RASAL2: variants seen among roughly 807,000 people sequenced by gnomAD.
RASAL2 encodes the protein RAS protein activator like 2.
RASAL2 carries 58 observed loss-of-function variants against 128.9 expected under a neutral mutation model. The ratio of observed to expected loss-of-function variants is 0.45; its 90% CI spans 0.36 to 0.56. The LOEUF is 0.56. Ranked by LOEUF, RASAL2 falls within the 20% of genes least tolerant of loss-of-function variation. The pLI is 0.00. For missense variants in RASAL2, 1,360 were observed against 1,601.6 expected (o/e 0.85, Z 2.57); for synonymous variants, 561 against 580.8 (o/e 0.97, Z 0.49).
intron 1 of RASAL2, among the ~76,000 whole-genome samples, chr1:178,267,622 CTT>C (rs1282624626): frequency 1.3e-4 from 16 of 120,440 alleles, no homozygotes; most frequent in Admixed American, 2.6e-4. Context: ...GATCTAGTGT[CTT>C]TTTTTTTTTT....
chr1:178,135,997 G>T (rs1191521197), intron 1 of RASAL2, among the ~76,000 whole-genome samples: 1 of 152,170 alleles, frequency 6.6e-6, no homozygotes, highest in Non-Finnish European at 1.5e-5. Context: ...AGATTTGGGT[G>T]GGGACACAGA....
At chr1:178,286,790 A>T (rs972072352) in intron 2 of RASAL2, among the ~76,000 whole-genome samples, 1 of 152,082 alleles carries the variant, frequency 6.6e-6, no homozygotes, top group African/African-American at 2.4e-5. Flanking sequence ...AGACTACTCC[A>T]GTTTTAATTT....
chr1:178,247,266 G>T (rs1371572231), intron 1 of RASAL2, among the ~76,000 whole-genome samples: 1 of 152,104 alleles, frequency 6.6e-6, no homozygotes, highest in Non-Finnish European at 1.5e-5. Flanking sequence ...TCTATTCAGG[G>T]ATTTGACTTC....
At chr1:178,142,769 G>A (rs1660580384) in intron 1 of RASAL2, among the ~76,000 whole-genome samples, 1 of 152,124 alleles carries the variant, frequency 6.6e-6, no homozygotes, top group African/African-American at 2.4e-5. Flanking sequence ...TAAACCTCGG[G>A]GAAGTCCGAA....
chr1:178,247,040 G>A (rs558966966), intron 1 of RASAL2, among the ~76,000 whole-genome samples: 11 of 152,208 alleles, frequency 7.2e-5, no homozygotes, highest in Non-Finnish European at 2.9e-5. Flanking sequence ...TTTTTGTTGT[G>A]TCTTGGCCAG....
intron 5 of RASAL2, among the ~76,000 whole-genome samples, chr1:178,435,031 T>C (rs1676164993): frequency 6.6e-6 from 1 of 151,960 alleles, no homozygotes; most frequent in Admixed American, 6.6e-5. Flanking sequence ...GTGAGTGCCT[T>C]AGAAATGCAT....
chr1:178,236,281 T>A (rs147482464), intron 1 of RASAL2, among the ~76,000 whole-genome samples: 480 of 152,292 alleles, frequency 3.2e-3, no homozygotes, highest in Non-Finnish European at 4.8e-3. Flanking sequence ...ATAGAATTTA[T>A]CTCTTCATAA....
At chr1:178,357,315 A>ATT (rs1335053754) in intron 3 of RASAL2, among the ~76,000 whole-genome samples, 3 of 137,836 alleles carry the variant, frequency 2.2e-5, no homozygotes, top group Admixed American at 7.2e-5. Context: ...GTGAAATGAG[A>ATT]TTTTTTTTCA....
intron 1 of RASAL2, among the ~76,000 whole-genome samples, chr1:178,154,061 C>T (rs996568265): frequency 3.3e-5 from 5 of 152,012 alleles, no homozygotes; most frequent in Non-Finnish European, 5.9e-5. Flanking sequence ...GTCTTGAACT[C>T]CTGACCTCAG....
rs776395581 is a variant in RASAL2 at position 178,451,684 on chromosome 1, C to T, written c.1741C>T (p.Leu581=). 5 of 1,613,722 alleles carry T rather than the reference C, an allele frequency of 3.1e-6. No homozygotes were observed. The highest frequency in any genetic ancestry group is 4.2e-6 in the Non-Finnish European group (5 of 1,179,738). The change falls in exon 10 of 18, where the codon CTG becomes TTG. Residue 581 remains leucine, a synonymous_variant. Transcript: ENST00000367649. ...GAGCAACCTGAAAATGTGCTGTGAG[C>T]TGGCTTTCTGCAAGATCATCAACTC... ...HQSNLKMCCE[L]AFCKIINSYC... is the part of the protein sequence containing the mutation.
intron 3 of RASAL2, among the ~76,000 whole-genome samples, chr1:178,302,163 T>A (rs148422451): frequency 1.3e-3 from 205 of 152,346 alleles, no homozygotes; most frequent in African/African-American, 4.7e-3. Context: ...GATTTGTCTT[T>A]AGCCAAAATT....
At chr1:178,256,948 A>C (rs1181882703) in intron 1 of RASAL2, among the ~76,000 whole-genome samples, 3 of 152,166 alleles carry the variant, frequency 2.0e-5, no homozygotes, top group Non-Finnish European at 4.4e-5. Context: ...TGCTAGGATT[A>C]CAGGCATGAG....
intron 3 of RASAL2, among the ~76,000 whole-genome samples, chr1:178,339,327 C>T (rs575655164): frequency 6.6e-6 from 1 of 152,154 alleles, no homozygotes; most frequent in South Asian, 2.1e-4. Context: ...TTCTACTTAA[C>T]CTTCAATGTC....
intron 3 of RASAL2, among the ~76,000 whole-genome samples, chr1:178,363,083 C>G (rs1277482539): frequency 6.6e-6 from 1 of 152,166 alleles, no homozygotes; most frequent in Non-Finnish European, 1.5e-5. Flanking sequence ...TAAGAAACCT[C>G]CATACTGTTT....
chr1:178,443,334 A>G, intron 8 of RASAL2, 105 bp downstream of exon 8: 2 of 1,058,642 alleles, frequency 1.9e-6, no homozygotes, highest in Non-Finnish European at 1.3e-6. Context: ...GTGCTTTACT[A>G]TTGGTCAAAA....
intron 3 of RASAL2, among the ~76,000 whole-genome samples, chr1:178,312,277 G>A (rs1668296469): frequency 6.6e-6 from 1 of 152,062 alleles, no homozygotes; most frequent in Non-Finnish European, 1.5e-5. Context: ...AGTGACAAGA[G>A]ACAGTCTTAC....
chr1:178,130,330 TTTAA>T (rs1660058342), intron 1 of RASAL2, among the ~76,000 whole-genome samples: 2 of 152,152 alleles, frequency 1.3e-5, no homozygotes, highest in African/African-American at 2.4e-5. Flanking sequence ...AAGAAAAATG[TTTAA>T]TTAAGTTTCT....
At chr1:178,345,629 A>T (rs1670110528) in intron 3 of RASAL2, among the ~76,000 whole-genome samples, 1 of 152,138 alleles carries the variant, frequency 6.6e-6, no homozygotes, top group African/African-American at 2.4e-5. Context: ...GTGCCTCTCG[A>T]GTCAGATCAG....
chr1:178,130,165 C>T (rs189532429), intron 1 of RASAL2, among the ~76,000 whole-genome samples: 1 of 152,166 alleles, frequency 6.6e-6, no homozygotes, highest in Non-Finnish European at 1.5e-5. Context: ...ATGTCTCAAA[C>T]TTGATTTTTT....
Sources: gnomAD v4.1 joint callset for allele counts (sites outside exome capture counted in the v4.1 genomes callset) on GRCh38, gnomAD v4.1.1 for gene constraint, MANE v1.5 for transcripts, NCBI Gene and HGNC (gene_info 2026-07-23, HGNC 2026-07-21) for gene names.